CSMD1: variants seen among roughly 807,000 people sequenced by gnomAD.
The protein encoded by CSMD1 is CUB and Sushi multiple domains 1.
In CSMD1, 213 loss-of-function variants were observed where a neutral mutation model predicts 417.5. That is an observed-to-expected ratio of 0.51 (90% CI 0.46 to 0.57). The LOEUF is 0.57. Ranked by LOEUF, CSMD1 falls within the 20% of genes least tolerant of loss-of-function variation. The pLI is 0.00. For synonymous variants in CSMD1, 2,862 were observed against 1,736.8 expected, an observed-to-expected ratio of 1.65 and a Z score of -16.11; for missense variants, 6,923 against 4,529.7, an observed-to-expected ratio of 1.53 and a Z score of -15.17.
Position 4,755,122 on chromosome 8 carries a change from G to A in CSMD1, c.86-117564C>T, listed in dbSNP as rs574053269. Among the ~76,000 whole-genome samples, 151 of 152,290 alleles carry A rather than the reference G, an allele frequency of 9.9e-4. 1 individual carries two copies. Among genetic ancestry groups the A allele is most frequent in the African/African-American group, 3.5e-3 (145 of 41,562 alleles). ...CACTGCACTCCAGCCTGGTGACAGA[G>A]GGACACTGTCTCAAATAAATAATTA... On this transcript the variant is annotated intron_variant, in intron 1 of 69. Coordinates refer to ENST00000635120, the MANE Select transcript of CSMD1 (RefSeq NM_033225.6).
chr8:4,382,500 G>A (rs1291498121), intron 3 of CSMD1, among the ~76,000 whole-genome samples: 1 of 152,036 alleles, frequency 6.6e-6, no homozygotes, highest in Non-Finnish European at 1.5e-5. Flanking sequence ...TAAACTCTCT[G>A]TTCACCGCTC....
intron 3 of CSMD1, among the ~76,000 whole-genome samples, chr8:4,402,408 T>C (rs956833705): frequency 1.5e-4 from 23 of 152,092 alleles, no homozygotes; most frequent in Non-Finnish European, 5.9e-5. Flanking sequence ...CTAGCCTTAT[T>C]ACTGCTGCGT....
intron 10 of CSMD1, among the ~76,000 whole-genome samples, chr8:3,556,043 T>A (rs149451525): frequency 3.9e-4 from 60 of 152,238 alleles, no homozygotes; most frequent in African/African-American, 1.4e-3. Context: ...AATTTGACAT[T>A]AACTTTTCGC....
intron 23 of CSMD1, among the ~76,000 whole-genome samples, chr8:3,330,162 T>A (rs28473685): frequency 6.6e-6 from 1 of 152,120 alleles, no homozygotes; most frequent in Non-Finnish European, 1.5e-5. Context: ...TCTCCTTACA[T>A]TGATAAACTT....
intron 23 of CSMD1, among the ~76,000 whole-genome samples, chr8:3,324,601 TC>T (rs1225765767): frequency 1.3e-4 from 19 of 149,224 alleles, no homozygotes; most frequent in Middle Eastern, 3.5e-3. Context: ...AGTGGGAGTT[TC>T]CTTCCCCCCA....
intron 2 of CSMD1, among the ~76,000 whole-genome samples, chr8:4,478,945 A>AACCTT (rs1800944492): frequency 6.6e-6 from 1 of 152,194 alleles, no homozygotes; most frequent in East Asian, 1.9e-4. Flanking sequence ...TAATTCACGG[A>AACCTT]AATTTTCTCA....
At chr8:3,579,330 TCTTA>T (rs1286525263) in intron 9 of CSMD1, among the ~76,000 whole-genome samples, 2 of 125,040 alleles carry the variant, frequency 1.6e-5, no homozygotes, top group African/African-American at 5.7e-5. Context: ...ATGCAATTTA[TCTTA>T]CTTAATAAAA....
chr8:3,852,286 T>C (rs1803964646), intron 5 of CSMD1, among the ~76,000 whole-genome samples: 1 of 152,030 alleles, frequency 6.6e-6, no homozygotes, highest in Non-Finnish European at 1.5e-5. Context: ...TGCAGCGAAC[T>C]CCTGCCCCAG....
intron 3 of CSMD1, among the ~76,000 whole-genome samples, chr8:4,222,988 G>C (rs561144558): frequency 7.9e-5 from 12 of 152,170 alleles, no homozygotes; most frequent in East Asian, 1.9e-4. Flanking sequence ...GCTGAAGTTA[G>C]ATTAAAGCAA....
chr8:3,772,937 G>C (rs1462184481), intron 5 of CSMD1, among the ~76,000 whole-genome samples: 1 of 152,006 alleles, frequency 6.6e-6, no homozygotes, highest in Admixed American at 6.6e-5. Context: ...TCACAGTTCT[G>C]GGGTCTGGAG....
chr8:3,511,770 AAC>A (rs1797079976), intron 10 of CSMD1, among the ~76,000 whole-genome samples: 2 of 56,544 alleles, frequency 3.5e-5, no homozygotes, highest in Non-Finnish European at 7.7e-5. Flanking sequence ...AAAATAACAT[AAC>A]ATAACATAAC....
chr8:4,163,428 CT>C (rs1279415817), intron 3 of CSMD1, among the ~76,000 whole-genome samples: 1 of 152,118 alleles, frequency 6.6e-6, no homozygotes, highest in South Asian at 2.1e-4. Flanking sequence ...TGGCCAATTT[CT>C]TTTTTCTTGT....
At chr8:3,782,841 G>T (rs764671319) in intron 5 of CSMD1, among the ~76,000 whole-genome samples, 1 of 152,062 alleles carries the variant, frequency 6.6e-6, no homozygotes, top group African/African-American at 2.4e-5. Context: ...CTTATGGAGC[G>T]ACTTTCTTGC....
At chr8:3,138,919 G>C (rs1210314889) in intron 41 of CSMD1, among the ~76,000 whole-genome samples, 2 of 152,212 alleles carry the variant, frequency 1.3e-5, no homozygotes, top group Admixed American at 1.3e-4. Flanking sequence ...GGAAAGAAGA[G>C]AGAAGTTGGA....
rs1809448244 is a variant in CSMD1 at position 3,364,850 on chromosome 8, G to T, written c.3115+2182C>A. Among the ~76,000 whole-genome samples the T allele has an allele frequency of 3.9e-5, 6 of 152,126 alleles. 1 individual carries two copies. The highest frequency in any genetic ancestry group is 2.6e-4 in the Admixed American group (4 of 15,262). Reference sequence around the variant, plus strand: ...ATCTAGTCTCAGGTATGCTGTTATGGCAAGTGGCACAAACAGACTAAGACA... The same window carrying T: ...ATCTAGTCTCAGGTATGCTGTTATGTCAAGTGGCACAAACAGACTAAGACA... On this transcript the variant is annotated intron_variant, in intron 20 of 69. Transcript: ENST00000635120.
chr8:4,820,102 G>A lies in CSMD1; in HGVS notation c.85+174230C>T, dbSNP rs928917779. Among the ~76,000 whole-genome samples, 7 of 152,020 alleles carry A rather than the reference G, an allele frequency of 4.6e-5. No homozygotes were observed. The South Asian group carries it at 6.2e-4, about 13-fold the overall frequency. On this transcript the variant is annotated intron_variant, in intron 1 of 69. Coordinates refer to ENST00000635120, the MANE Select transcript of CSMD1 (RefSeq NM_033225.6). Reference sequence around the variant, plus strand: ...CTCTGGTCCAAGAAAGCCACCTAAGGCAAATCTGAGCTGGGACAGAGGCTA... The same window carrying A: ...CTCTGGTCCAAGAAAGCCACCTAAGACAAATCTGAGCTGGGACAGAGGCTA...
intron 5 of CSMD1, among the ~76,000 whole-genome samples, chr8:3,948,132 G>C (rs1811361176): frequency 6.6e-6 from 1 of 152,158 alleles, no homozygotes; most frequent in African/African-American, 2.4e-5. Flanking sequence ...CTTTAACCGA[G>C]AGGCTTAGGT....
chr8:4,186,584 T>C (rs908232559), intron 3 of CSMD1, among the ~76,000 whole-genome samples: 1 of 152,178 alleles, frequency 6.6e-6, no homozygotes, highest in Non-Finnish European at 1.5e-5. Context: ...GTCTCAGCAT[T>C]GCTAATGTCA....
intron 10 of CSMD1, among the ~76,000 whole-genome samples, chr8:3,503,486 A>G (rs1459585186): frequency 6.6e-6 from 1 of 152,258 alleles, no homozygotes; most frequent in African/African-American, 2.4e-5. Context: ...CGGCGGCATC[A>G]GCTGGCAGGA....
Sources: gnomAD v4.1 joint callset for allele counts (sites outside exome capture counted in the v4.1 genomes callset) on GRCh38, gnomAD v4.1.1 for gene constraint, MANE v1.5 for transcripts, NCBI Gene and HGNC (gene_info 2026-07-23, HGNC 2026-07-21) for gene names.